BBS9: variants seen among roughly 807,000 people sequenced by gnomAD.
BBS9 encodes protein PTHB1.
In BBS9, 89 loss-of-function variants were observed where a neutral mutation model predicts 117.7. The ratio of observed to expected loss-of-function variants is 0.76; its 90% CI spans 0.64 to 0.90. The LOEUF (loss-of-function observed/expected upper bound fraction) is 0.90. Ranked by LOEUF, BBS9 falls within the 40% of genes least tolerant of loss-of-function variation. The pLI is 0.00. For synonymous variants in BBS9, 379 were observed against 370.9 expected (o/e 1.02, Z -0.25); for missense variants, 982 against 1,042.2 (o/e 0.94, Z 0.80).
chr7:33,587,106 C>T (rs1487197240), intron 21 of BBS9, among the ~76,000 whole-genome samples: 1 of 151,892 alleles, frequency 6.6e-6, no homozygotes, highest in Non-Finnish European at 1.5e-5. Context: ...GTTGTGAGAC[C>T]CAGGGTCAGG....
chr7:33,490,497 GTT>G (rs1481690756), intron 19 of BBS9, among the ~76,000 whole-genome samples: 11 of 152,068 alleles, frequency 7.2e-5, no homozygotes, highest in Non-Finnish European at 8.8e-5. Context: ...CTTTTGGCTA[GTT>G]TTATAGTTGA....
chr7:33,446,818 C>A (rs1419560745), intron 19 of BBS9, among the ~76,000 whole-genome samples: 1 of 152,144 alleles, frequency 6.6e-6, no homozygotes, highest in East Asian at 1.9e-4. Context: ...GCACACCAAT[C>A]CCCAATTCGA....
At chr7:33,389,905 T>A (rs1563106306) in intron 19 of BBS9, among the ~76,000 whole-genome samples, 1 of 152,082 alleles carries the variant, frequency 6.6e-6, no homozygotes, top group South Asian at 2.1e-4. Context: ...ACTACTCTTT[T>A]GTTACAAAGA....
intron 21 of BBS9, among the ~76,000 whole-genome samples, chr7:33,625,589 T>C (rs1020284440): frequency 1.3e-5 from 2 of 152,202 alleles, no homozygotes; most frequent in Admixed American, 6.5e-5. Flanking sequence ...TCAGGCTCCC[T>C]TTGCACATTC....
chr7:33,451,867 T>C (rs901883224), intron 19 of BBS9, among the ~76,000 whole-genome samples: 7 of 152,156 alleles, frequency 4.6e-5, no homozygotes. Context: ...AGAGTCTTGC[T>C]CTGTCACCCA....
At chr7:33,148,281 A>G (rs1019646424) in intron 2 of BBS9, among the ~76,000 whole-genome samples, 2 of 152,180 alleles carry the variant, frequency 1.3e-5, no homozygotes, top group African/African-American at 4.8e-5. Flanking sequence ...AAGTTGAAAT[A>G]AGAGGGGAGG....
At chr7:33,357,153 C>T (rs1254600594) in intron 15 of BBS9, among the ~76,000 whole-genome samples, 3 of 151,728 alleles carry the variant, frequency 2.0e-5, no homozygotes, top group Non-Finnish European at 3.0e-5. Context: ...TATTCAGCTA[C>T]CTATTTCAGT....
At chr7:33,387,121 G>A (rs1236488992) in intron 18 of BBS9, among the ~76,000 whole-genome samples, 1 of 152,046 alleles carries the variant, frequency 6.6e-6, no homozygotes, top group Non-Finnish European at 1.5e-5. Context: ...TTCCCCTATT[G>A]ATGGGAATTT....
chr7:33,170,885 C>G (rs1040756140), intron 4 of BBS9, among the ~76,000 whole-genome samples: 2 of 151,832 alleles, frequency 1.3e-5, no homozygotes, highest in African/African-American at 2.4e-5. Context: ...ACCTAGGAAT[C>G]CAACTTACAA....
At chr7:33,447,151 G>A (rs964378837) in intron 19 of BBS9, among the ~76,000 whole-genome samples, 1 of 152,218 alleles carries the variant, frequency 6.6e-6, no homozygotes, top group Non-Finnish European at 1.5e-5. Flanking sequence ...AACAAAGTTT[G>A]TTAAAGATGT....
intron 9 of BBS9, among the ~76,000 whole-genome samples, chr7:33,297,222 A>G (rs1805456162): frequency 2.6e-5 from 4 of 152,116 alleles, no homozygotes; most frequent in Admixed American, 2.6e-4. Context: ...TTTTCTCTAC[A>G]TGTTTGCTCC....
At chr7:33,399,186 C>T (rs1828513771) in intron 19 of BBS9, among the ~76,000 whole-genome samples, 1 of 152,066 alleles carries the variant, frequency 6.6e-6, no homozygotes, top group African/African-American at 2.4e-5. Flanking sequence ...TTGTCAGTTC[C>T]TCATTTTATA....
intron 21 of BBS9, among the ~76,000 whole-genome samples, chr7:33,572,001 C>CT (rs1857883392): frequency 6.6e-6 from 1 of 151,874 alleles, no homozygotes; most frequent in South Asian, 2.1e-4. Flanking sequence ...TAGCTATAGT[C>CT]TTTTTATTGT....
intron 21 of BBS9, among the ~76,000 whole-genome samples, chr7:33,546,042 T>G (rs1047303614): frequency 6.8e-6 from 1 of 146,916 alleles, no homozygotes; most frequent in African/African-American, 2.5e-5. Context: ...CATGCCATTC[T>G]CCTGCCTCAG....
intron 1 of BBS9, among the ~76,000 whole-genome samples, chr7:33,132,559 C>G (rs1789789279): frequency 6.6e-6 from 1 of 152,150 alleles, no homozygotes; most frequent in African/African-American, 2.4e-5. Context: ...TTATTCAAGA[C>G]AGTTAACTAA....
At chr7:33,146,391 G>A in intron 2 of BBS9, 27 bp downstream of exon 2, 1 of 1,559,418 alleles carries the variant, frequency 6.4e-7, no homozygotes, top group South Asian at 1.1e-5. Flanking sequence ...CATACATCTT[G>A]GATGAAAGTT....
chr7:33,175,732 T>C (rs1797249241), intron 4 of BBS9, among the ~76,000 whole-genome samples: 2 of 152,200 alleles, frequency 1.3e-5, no homozygotes, highest in South Asian at 4.1e-4. Flanking sequence ...AAAAAATCTT[T>C]ACTTATCTTA....
At chr7:33,430,969 G>A (rs1380915258) in intron 19 of BBS9, among the ~76,000 whole-genome samples, 1 of 151,424 alleles carries the variant, frequency 6.6e-6, no homozygotes, top group Non-Finnish European at 1.5e-5. Context: ...CGGGTGGATC[G>A]CTTGAACTCA....
At chr7:33,191,977 C>G (rs1423039536) in intron 5 of BBS9, among the ~76,000 whole-genome samples, 1 of 151,628 alleles carries the variant, frequency 6.6e-6, no homozygotes. Flanking sequence ...TGATTAAGCA[C>G]CACCTCCCAA....
Sources: gnomAD v4.1 joint callset for allele counts (sites outside exome capture counted in the v4.1 genomes callset) on GRCh38, gnomAD v4.1.1 for gene constraint, MANE v1.5 for transcripts, NCBI Gene and HGNC (gene_info 2026-07-23, HGNC 2026-07-21) for gene names.